SMAP2: variants seen among roughly 807,000 people sequenced by gnomAD.
SMAP2 encodes the protein stromal membrane-associated protein 2.
In SMAP2, 25 loss-of-function variants were observed where a neutral mutation model predicts 56.4. The observed-to-expected ratio is 0.44, with a 90% CI of 0.32 to 0.62. SMAP2 has a LOEUF of 0.62. Ranked by LOEUF, SMAP2 falls within the 20% of genes least tolerant of loss-of-function variation. The probability of loss-of-function intolerance (pLI) is 0.04; values close to 1 mark genes in which losing one functional copy is unlikely to be tolerated. For synonymous variants in SMAP2, 157 were observed against 181.7 expected, an observed-to-expected ratio of 0.86 and a Z score of 1.09; for missense variants, 388 against 545.6, an observed-to-expected ratio of 0.71 and a Z score of 2.88.
chr1:40,415,093 C>T (rs1055671946), intron 6 of SMAP2, among the ~76,000 whole-genome samples, 179 bp from the exon 7 acceptor site: 4 of 152,192 alleles, frequency 2.6e-5, no homozygotes, highest in African/African-American at 9.7e-5. Context: ...TTCCCCAGAG[C>T]ACTCTGGGAA....
At chr1:40,390,525 G>T (rs1644705459) in intron 1 of SMAP2, among the ~76,000 whole-genome samples, 2 of 152,134 alleles carry the variant, frequency 1.3e-5, no homozygotes, top group South Asian at 4.1e-4. Flanking sequence ...AGGTTACACT[G>T]TTTTTCCCTT....
chr1:40,401,827 A>AT (rs1177686244), intron 1 of SMAP2, among the ~76,000 whole-genome samples: 1 of 152,176 alleles, frequency 6.6e-6, no homozygotes, highest in Non-Finnish European at 1.5e-5. Flanking sequence ...GTAAACCCAG[A>AT]TTTTTCCGAT....
intron 1 of SMAP2, among the ~76,000 whole-genome samples, chr1:40,393,807 A>T (rs1376659685): frequency 6.6e-6 from 1 of 152,036 alleles, no homozygotes; most frequent in African/African-American, 2.4e-5. Flanking sequence ...TAGCATCCCA[A>T]AGTGCTGGGA....
chr1:40,374,230 C>T lies in SMAP2; in HGVS notation c.103+7C>T, dbSNP rs1466855731. On this transcript the variant is annotated splice_region_variant and intron_variant, in intron 1 of 9. Transcript: ENST00000372718. The surrounding 1 kb of genome is among the most constrained non-coding windows in gnomAD (Gnocchi z 5.9). ...GCAGATTGCCAGTCTAAAGGTAGCG[C>T]ATCCCACCTGGCGGGCCAGGGGTCC... The T allele has an allele frequency of 1.2e-6, 2 of 1,605,970 alleles. No homozygotes were observed. Among genetic ancestry groups the T allele is most frequent in the African/African-American group, 2.7e-5 (2 of 74,818 alleles).
intron 1 of SMAP2, among the ~76,000 whole-genome samples, chr1:40,349,584 T>C (rs933729483): frequency 5.9e-5 from 9 of 152,184 alleles, no homozygotes; most frequent in Non-Finnish European, 1.3e-4. Flanking sequence ...AGTGGTGCCA[T>C]CTCTGCTCAC....
At chr1:40,421,158 A>G (rs1645038063) in intron 9 of SMAP2, among the ~76,000 whole-genome samples, 1 of 152,068 alleles carries the variant, frequency 6.6e-6, no homozygotes, top group Admixed American at 6.6e-5. Flanking sequence ...AAGAAGATAC[A>G]TGGGTTTTAT....
intron 2 of SMAP2, among the ~76,000 whole-genome samples, chr1:40,362,913 T>C (rs553494778): frequency 1.3e-5 from 2 of 152,140 alleles, no homozygotes; most frequent in Non-Finnish European, 2.9e-5. Flanking sequence ...GGGCAGAAGC[T>C]TCAGGATGGA....
In SMAP2 at chr1:40,423,148, G is replaced by C. The variant is rs990342160; in HGVS notation, c.*1047G>C. 3.9e-5 allele frequency: 6 copies of C among 152,464 alleles called. No homozygotes were observed. The highest frequency in any genetic ancestry group is 1.5e-4 in the African/African-American group (6 of 41,346). The allele number at this position is 152,464 out of a possible 1,614,324, so 9.4% of individuals were successfully genotyped here. A position where few individuals can be genotyped will look rare whatever the true frequency, so the allele number is the denominator to read the frequency against. ...ATCCAGGGTGCTCTGTTTCCCCACC[G>C]TTCCCAGGTGTACGAGGCAGAGGGC... On this transcript the variant is annotated 3_prime_UTR_variant, in exon 10 of 10. Transcript: ENST00000372718.
Position 40,404,958 on chromosome 1 carries a change from G to A in SMAP2, c.104-1778G>A, listed in dbSNP as rs371359900. 3.3e-5 allele frequency among the ~76,000 whole-genome samples: 5 copies of A among 152,300 alleles called. No individual in the cohort carries two copies. In the East Asian group the frequency reaches 5.8e-4, roughly 18 times the overall value. On this transcript the variant is annotated intron_variant, in intron 1 of 9. Transcript: ENST00000372718. Reference sequence around the variant, plus strand: ...TGTGAAGGGACTAAATATCTTTTTAGAAGGTAAATCGGAGCTTGTGATAGC... The same window carrying A: ...TGTGAAGGGACTAAATATCTTTTTAAAAGGTAAATCGGAGCTTGTGATAGC...
At chr1:40,380,943 T>G (rs1432266349) in intron 1 of SMAP2, among the ~76,000 whole-genome samples, 1 of 152,208 alleles carries the variant, frequency 6.6e-6, no homozygotes, top group African/African-American at 2.4e-5. Context: ...ATATTTCTGG[T>G]TTTTTATAGC....
At chr1:40,399,490 T>C (rs1644808771) in intron 1 of SMAP2, among the ~76,000 whole-genome samples, 1 of 149,312 alleles carries the variant, frequency 6.7e-6, no homozygotes, top group African/African-American at 2.5e-5. Context: ...TCTTTCTTTC[T>C]CTTTTTTTTT....
At chr1:40,412,824 C>A (rs1644949809) in intron 4 of SMAP2, among the ~76,000 whole-genome samples, 192 bp from the exon 5 acceptor site, 1 of 152,174 alleles carries the variant, frequency 6.6e-6, no homozygotes, top group Admixed American at 6.5e-5. Context: ...ACGCCTCGTA[C>A]AGCATTGAGG....
Position 40,380,529 on chromosome 1 carries a change from C to CTTTTTTTTTTTTTTTTTTTT in SMAP2, c.103+6317_103+6318insTTTTTTTTTTTTTTTTTTTT, listed in dbSNP as rs370625950. Among the ~76,000 whole-genome samples, 8 of 142,878 alleles carry CTTTTTTTTTTTTTTTTTTTT rather than the reference C, an allele frequency of 5.6e-5. 2 individuals are homozygous for CTTTTTTTTTTTTTTTTTTTT. The highest frequency in any genetic ancestry group is 7.9e-5 in the African/African-American group (3 of 37,900). 93.7% of individuals were successfully genotyped at this position (142,878 alleles called of 152,430 possible). ...AATTATTTTAGCTGTATCTGTGGCA[C>CTTTTTTTTTTTTTTTTTTTT]TTTTTTTTTTTCTCTTTTGAGATGG... On this transcript the variant is annotated intron_variant, in intron 1 of 9. Coordinates refer to ENST00000372718, the MANE Select transcript of SMAP2 (RefSeq NM_022733.3).
At chr1:40,375,859 C>T (rs909439621) in intron 1 of SMAP2, 16 of 726,270 alleles carry the variant, frequency 2.2e-5, no homozygotes, top group Non-Finnish European at 2.3e-5. Context: ...TACCCTTATA[C>T]TTACTCATAT....
At chr1:40,391,313 A>G (rs1569868727) in intron 1 of SMAP2, among the ~76,000 whole-genome samples, 3 of 152,360 alleles carry the variant, frequency 2.0e-5, no homozygotes, top group African/African-American at 7.2e-5. Context: ...TACTATACAC[A>G]GATGAATGCC....
At chr1:40,393,365 G>A in intron 1 of SMAP2, 1 of 1,535,250 alleles carries the variant, frequency 6.5e-7, no homozygotes, top group Non-Finnish European at 8.7e-7. Context: ...GAGTGCAGCA[G>A]GAGAGGCAGC....
At chr1:40,414,137 C>G (rs761338210) in intron 5 of SMAP2, 22 bp from the exon 6 acceptor site, 2 of 1,611,946 alleles carry the variant, frequency 1.2e-6, no homozygotes, top group East Asian at 2.2e-5. Flanking sequence ...TTATTTCTTG[C>G]TATAACATAT....
In SMAP2 at chr1:40,406,723, C is replaced by T; in HGVS notation, c.104-13C>T. On this transcript the variant is annotated splice_polypyrimidine_tract_variant and intron_variant, in intron 1 of 9. Coordinates refer to ENST00000372718, the MANE Select transcript of SMAP2 (RefSeq NM_022733.3). ...TAATTTGTACTTTATTGCCCTGTTC[C>T]TGACTTTCACAGGGCCGCGATGGGC... The T allele has an allele frequency of 6.2e-7, 1 of 1,609,740 alleles. No individual in the cohort carries two copies. The highest frequency in any genetic ancestry group is 8.5e-7 in the Non-Finnish European group (1 of 1,177,092).
At chr1:40,352,896 T>C (rs775925694) in intron 1 of SMAP2, among the ~76,000 whole-genome samples, 92 of 152,266 alleles carry the variant, frequency 6.0e-4, no homozygotes, top group Middle Eastern at 3.4e-3. Flanking sequence ...CCACAATTGA[T>C]AGATATTAAC....
Sources: gnomAD v4.1 joint callset for allele counts (sites outside exome capture counted in the v4.1 genomes callset) on GRCh38, gnomAD v4.1.1 for gene constraint, Gnocchi (gnomAD v3.1) non-coding constraint, MANE v1.5 for transcripts, NCBI Gene and HGNC (gene_info 2026-07-23, HGNC 2026-07-21) for gene names.